The following CERS5 variants were observed in gnomAD, a reference collection of about 807,000 sequenced individuals.
CERS5 encodes the protein ceramide synthase 5.
A neutral mutation model predicts 58.9 loss-of-function variants in CERS5; 37 were observed. The ratio of observed to expected loss-of-function variants is 0.63; its 90% CI spans 0.48 to 0.83. The LOEUF is 0.83. Ranked by LOEUF, CERS5 falls within the 40% of genes least tolerant of loss-of-function variation. The pLI, the probability that CERS5 is intolerant of heterozygous loss-of-function variation, is 0.00. For synonymous variants in CERS5, 147 were observed against 177.8 expected (o/e 0.83, Z 1.38); for missense variants, 398 against 489.3 (o/e 0.81, Z 1.76).
chr12:50,129,529 A>AGAG lies in CERS5; in HGVS notation c.*1013_*1015dup, dbSNP rs1245766899. On this transcript the variant is annotated 3_prime_UTR_variant, in exon 10 of 10. Transcript: ENST00000317551. ...TTTTTTTTTTTTTTTTTTTTTAGAC[A>AGAG]GAGTCTCGGTCTGTCGCCCAGGCTG... is the stretch of plus-strand genomic sequence containing the variant. The AGAG allele has an allele frequency of 7.3e-6, 1 of 137,294 alleles. No individual in the cohort carries two copies. The highest frequency in any genetic ancestry group is 2.1e-4 in the East Asian group (1 of 4,658). The allele number at this position is 137,294 out of a possible 1,614,324, so 8.5% of individuals were successfully genotyped here.
chr12:50,164,152 G>T (rs1449917387), intron 1 of CERS5, among the ~76,000 whole-genome samples: 1 of 150,394 alleles, frequency 6.6e-6, no homozygotes, highest in East Asian at 1.9e-4. Context: ...TAGAGATGGG[G>T]TTTCACCATG....
intron 1 of CERS5, 52 bp from the exon 2 acceptor site, chr12:50,144,109 T>C (rs748481535): frequency 2.5e-5 from 24 of 974,778 alleles, no homozygotes; most frequent in Non-Finnish European, 3.7e-5. Context: ...ATTTTATTTA[T>C]AGTTGACACA....
At chr12:50,131,433 C>T (rs145581505) in intron 9 of CERS5, among the ~76,000 whole-genome samples, 3,319 of 151,900 alleles carry the variant, frequency 0.022, 62 homozygotes, top group Non-Finnish European at 0.029. Flanking sequence ...GTGGCGCGCA[C>T]CTGTAATCCC....
chr12:50,159,812 A>G (rs1303773093), intron 1 of CERS5, among the ~76,000 whole-genome samples: 1 of 151,970 alleles, frequency 6.6e-6, no homozygotes, highest in Admixed American at 6.6e-5. Flanking sequence ...GCTGGTCTCG[A>G]ACTCCTGACC....
chr12:50,139,862 CACTT>C (rs1298782419), intron 4 of CERS5, among the ~76,000 whole-genome samples: 2 of 151,998 alleles, frequency 1.3e-5, no homozygotes, highest in African/African-American at 2.4e-5. Flanking sequence ...CATTAATTTC[CACTT>C]ACTTACTTTA....
chr12:50,149,951 C>A (rs752290919), intron 1 of CERS5, among the ~76,000 whole-genome samples: 1 of 152,144 alleles, frequency 6.6e-6, no homozygotes, highest in Non-Finnish European at 1.5e-5. Context: ...CCACATTGGC[C>A]AGGCTGGTCT....
chr12:50,133,603 G>T (rs1298883419), intron 9 of CERS5: 1 of 985,116 alleles, frequency 1.0e-6, no homozygotes, highest in Non-Finnish European at 1.2e-6. Context: ...CTTTGAAAAG[G>T]GCCCCATGTC....
At chr12:50,141,059 T>A (rs10876002) in intron 4 of CERS5, among the ~76,000 whole-genome samples, 50,485 of 151,974 alleles carry the variant, frequency 0.33, 9,256 homozygotes, top group East Asian at 0.75. Flanking sequence ...TTCTTCTTCC[T>A]TCTTTTTCTG....
intron 1 of CERS5, chr12:50,144,795 A>G: frequency 6.5e-7 from 1 of 1,528,670 alleles, no homozygotes; most frequent in Non-Finnish European, 8.8e-7. Context: ...TCATCATCTA[A>G]AAGAAGAGGT....
rs1331772432 is a variant in CERS5, at chr12:50,130,481, A to G, written c.*64T>C. ...CAGAAGAGTAGATATGGGAAGGGCCAAGAGGAGTATGTTGCCAGTGGCCCT... is the reference window on the plus strand; with the variant it reads ...CAGAAGAGTAGATATGGGAAGGGCCGAGAGGAGTATGTTGCCAGTGGCCCT... On this transcript the variant is annotated 3_prime_UTR_variant, in exon 10 of 10. Transcript: ENST00000317551. The G allele has an allele frequency of 7.7e-6, 11 of 1,432,128 alleles. No individual in the cohort carries two copies. Among genetic ancestry groups the G allele is most frequent in the Non-Finnish European group, 8.5e-6 (9 of 1,057,582 alleles). 88.7% of individuals were successfully genotyped at this position (1,432,128 alleles called of 1,614,324 possible). A position where few individuals can be genotyped will look rare whatever the true frequency, so the allele number is the denominator to read the frequency against.
At position 50,134,817 on chromosome 12, in the gene CERS5, C is replaced by T. The variant is rs12427206; in HGVS notation, c.873-115G>A. The T allele has an allele frequency of 4.2e-6, 4 of 945,452 alleles. No homozygotes were observed. The African/African-American group carries it at 6.6e-5, about 16-fold the overall frequency. 58.6% of individuals were successfully genotyped at this position (945,452 alleles called of 1,614,324 possible). On this transcript the variant is annotated intron_variant, in intron 8 of 9. Transcript: ENST00000317551. ...GTTTTCCTACCAGCCCTTTTATCAG[C>T]TGAAGTTCCAGGGACCGTCATCCAC...
At chr12:50,139,907 T>C (rs1381427764) in intron 4 of CERS5, among the ~76,000 whole-genome samples, 2 of 152,174 alleles carry the variant, frequency 1.3e-5, no homozygotes, top group Admixed American at 1.3e-4. Context: ...GGTCTCACTA[T>C]AGAGACTGGA....
chr12:50,137,746 A>G lies in CERS5; in HGVS notation c.618T>C (p.Phe206=). The change falls in exon 6 of 10, where the codon TTT becomes TTC. Residue 206 remains phenylalanine, a synonymous_variant. Coordinates refer to ENST00000317551, the MANE Select transcript of CERS5 (RefSeq NM_147190.5). ...TCCTTACCTTTCTTTTAATGTCTGT[A>G]AACTGAGAAAACATAAGGGACCAAT... The part of the protein sequence containing the change: ...AFYWSLMFSQ[F]TDIKRKDFLI... 1 of 1,603,136 alleles carries G rather than the reference A, an allele frequency of 6.2e-7. No individual in the cohort carries two copies. Among genetic ancestry groups the G allele is most frequent in the African/African-American group, 1.3e-5 (1 of 74,708 alleles).
At chr12:50,156,438 A>ATATATATATATATATATATATATAT (rs1555198356) in intron 1 of CERS5, among the ~76,000 whole-genome samples, 70 of 123,250 alleles carry the variant, frequency 5.7e-4, no homozygotes, top group African/African-American at 8.5e-4. Context: ...ATATATATAT[A>ATATATATATATATATATATATATAT]AAACAATTAG....
At chr12:50,152,030 T>G (rs1446420191) in intron 1 of CERS5, among the ~76,000 whole-genome samples, 1 of 152,206 alleles carries the variant, frequency 6.6e-6, no homozygotes, top group Non-Finnish European at 1.5e-5. Flanking sequence ...TGCCTTTTCC[T>G]GAAACATGGT....
At chr12:50,132,574 G>C (rs749739925) in intron 9 of CERS5, among the ~76,000 whole-genome samples, 1 of 152,158 alleles carries the variant, frequency 6.6e-6, no homozygotes, top group Non-Finnish European at 1.5e-5. Context: ...TGTAACAACT[G>C]TTGCCAAGGA....
intron 3 of CERS5, 145 bp from the exon 4 acceptor site, chr12:50,142,255 T>C: frequency 1.6e-6 from 1 of 617,822 alleles, no homozygotes; most frequent in Non-Finnish European, 2.9e-6. Context: ...TACTGTCATT[T>C]AAAAAGCCAA....
At chr12:50,152,844 C>T (rs1420644249) in intron 1 of CERS5, among the ~76,000 whole-genome samples, 14 of 152,030 alleles carry the variant, frequency 9.2e-5, no homozygotes, top group South Asian at 2.1e-4. Flanking sequence ...CGGAGGCGGG[C>T]GGATCACCTG....
At chr12:50,146,708 G>A (rs182518274) in intron 1 of CERS5, among the ~76,000 whole-genome samples, 1 of 152,164 alleles carries the variant, frequency 6.6e-6, no homozygotes, top group East Asian at 1.9e-4. Flanking sequence ...TTAGCCGGGC[G>A]TGGTGGCGGG....
Sources: allele counts gnomAD v4.1 joint callset (sites outside exome capture counted in the v4.1 genomes callset), GRCh38; gene constraint gnomAD v4.1.1; transcripts MANE v1.5; gene names NCBI Gene and HGNC (gene_info 2026-07-23, HGNC 2026-07-21).